CDH13: variants seen among roughly 807,000 people sequenced by gnomAD.
The protein encoded by CDH13 is cadherin 13, also known as cadherin-13.
In CDH13, 24 loss-of-function variants were observed where a neutral mutation model predicts 63.8. The ratio of observed to expected loss-of-function variants is 0.38; its 90% confidence interval spans 0.27 to 0.53. CDH13 has a LOEUF of 0.53. Ranked by LOEUF, CDH13 falls within the 20% of genes least tolerant of loss-of-function variation. The probability of loss-of-function intolerance (pLI) is 0.85; values close to 1 mark genes in which losing one functional copy is unlikely to be tolerated. For missense variants in CDH13, 1,049 were observed against 903.1 expected, an observed-to-expected ratio of 1.16 and a Z score of -2.07; for synonymous variants, 503 against 355.3, an observed-to-expected ratio of 1.42 and a Z score of -4.67.
At position 82,822,578 on chromosome 16, in the gene CDH13, C is replaced by T. The variant is rs1288876558; in HGVS notation, c.46-35784C>T. ...GTGGTGCGATCAAAGCTCACTGTAG[C>T]CTTCACCTTCTGCTCAAGAGATCCT... On this transcript the variant is annotated intron_variant, in intron 1 of 13. Transcript: ENST00000567109. Among the ~76,000 whole-genome samples, 7 of 152,300 alleles carry T rather than the reference C, an allele frequency of 4.6e-5. No homozygotes were observed. The East Asian group carries it at 1.4e-3, about 29-fold the overall frequency.
At chr16:82,723,325 C>T (rs2032894492) in intron 1 of CDH13, among the ~76,000 whole-genome samples, 1 of 152,128 alleles carries the variant, frequency 6.6e-6, no homozygotes, top group Admixed American at 6.6e-5. Flanking sequence ...CTTTTCAGTT[C>T]AGCACATATT....
intron 10 of CDH13, among the ~76,000 whole-genome samples, chr16:83,738,633 T>C (rs11149601): frequency 0.58 from 87,624 of 151,936 alleles, 25,513 homozygotes; most frequent in East Asian, 0.7. Context: ...TTGGGCCAGG[T>C]GTGGTGGCTC....
At chr16:82,892,139 T>C (rs911988731) in intron 2 of CDH13, among the ~76,000 whole-genome samples, 6 of 152,184 alleles carry the variant, frequency 3.9e-5, no homozygotes, top group African/African-American at 1.4e-4. Flanking sequence ...ACTTAACCTG[T>C]TGGTGTTCAG....
intron 2 of CDH13, chr16:82,953,387 C>T (rs986096134): frequency 6.6e-6 from 1 of 152,136 alleles, no homozygotes; most frequent in Non-Finnish European, 1.5e-5. Flanking sequence ...CATGGGGTTT[C>T]TAGCTCTTAG....
chr16:83,120,861 T>G (rs1056625923), intron 3 of CDH13, among the ~76,000 whole-genome samples: 2 of 148,888 alleles, frequency 1.3e-5, no homozygotes, highest in African/African-American at 2.5e-5. Flanking sequence ...TCTCCCAGGT[T>G]CAAGTGATTC....
intron 7 of CDH13, among the ~76,000 whole-genome samples, chr16:83,577,753 C>A (rs1905192003): frequency 6.6e-6 from 1 of 152,144 alleles, no homozygotes; most frequent in Admixed American, 6.5e-5. Flanking sequence ...TCCAAAAGCC[C>A]TTAACCATTA....
Position 83,720,117 on chromosome 16 carries a change from G to T in CDH13, c.1539-27991G>T, listed in dbSNP as rs1448348263. 2.0e-5 allele frequency among the ~76,000 whole-genome samples: 3 copies of T among 152,254 alleles called. No homozygotes were observed. The East Asian group carries it at 5.8e-4, about 29-fold the overall frequency. On this transcript the variant is annotated intron_variant, in intron 10 of 13. Coordinates refer to ENST00000567109, the MANE Select transcript of CDH13 (RefSeq NM_001257.5). Reference sequence around the variant, plus strand: ...CCAAATGGTTGCTGCTGCCGAATTTGGGACCGGGGTGCTGGTGGTCATCTG... The same window carrying T: ...CCAAATGGTTGCTGCTGCCGAATTTTGGACCGGGGTGCTGGTGGTCATCTG...
chr16:82,654,301 G>T (rs1911058766), intron 1 of CDH13, among the ~76,000 whole-genome samples: 1 of 152,110 alleles, frequency 6.6e-6, no homozygotes, highest in African/African-American at 2.4e-5. Context: ...TTCAAGGTCG[G>T]TTTCCCAACT....
chr16:83,723,787 G>C (rs1909999326), intron 10 of CDH13, among the ~76,000 whole-genome samples: 1 of 150,806 alleles, frequency 6.6e-6, no homozygotes, highest in East Asian at 1.9e-4. Context: ...GCAGAGTAAA[G>C]AAGAATGTCT....
intron 2 of CDH13, among the ~76,000 whole-genome samples, chr16:82,938,883 C>T (rs150099402): frequency 1.7e-3 from 260 of 152,106 alleles, no homozygotes; most frequent in Non-Finnish European, 2.4e-3. Context: ...TATTTCAGTG[C>T]TCTTGGTTGA....
Position 83,357,677 on chromosome 16 carries a change from A to G in CDH13, c.781+12671A>G, listed in dbSNP as rs568157004. Among the ~76,000 whole-genome samples the G allele has an allele frequency of 2.6e-5, 4 of 152,312 alleles. No individual in the cohort carries two copies. The South Asian group carries it at 8.3e-4, about 32-fold the overall frequency. The stretch of plus-strand genomic sequence containing the variant: ...AGGACTGGTAAACATACGTCAATGC[A>G]TAGAACGGCCTCCACAGCAAAGAAT... On this transcript the variant is annotated intron_variant, in intron 6 of 13. Transcript: ENST00000567109.
chr16:82,691,491 G>A (rs920685450), intron 1 of CDH13, among the ~76,000 whole-genome samples: 12 of 152,238 alleles, frequency 7.9e-5, no homozygotes, highest in Admixed American at 1.3e-4. Flanking sequence ...CATTAACTTC[G>A]GCAGTACCTT....
At chr16:83,543,743 C>T (rs897950933) in intron 7 of CDH13, among the ~76,000 whole-genome samples, 2 of 152,168 alleles carry the variant, frequency 1.3e-5, no homozygotes, top group African/African-American at 2.4e-5. Context: ...CTGCTCTCAT[C>T]TAATGGACAG....
chr16:82,738,517 T>C (rs2033789046), intron 1 of CDH13, among the ~76,000 whole-genome samples: 1 of 152,196 alleles, frequency 6.6e-6, no homozygotes, highest in African/African-American at 2.4e-5. Context: ...CACAAGCTAG[T>C]TTCCAAATTC....
chr16:82,667,135 C>T (rs893038026), intron 1 of CDH13, among the ~76,000 whole-genome samples: 24 of 152,152 alleles, frequency 1.6e-4, no homozygotes, highest in East Asian at 1.9e-4. Context: ...TTATTCACAT[C>T]GCCTCACCTC....
chr16:83,354,987 G>C (rs936531895), intron 6 of CDH13, among the ~76,000 whole-genome samples: 1 of 152,184 alleles, frequency 6.6e-6, no homozygotes, highest in Non-Finnish European at 1.5e-5. Flanking sequence ...TGTAATACCT[G>C]ATCCTCTGCA....
chr16:83,586,003 C>T (rs1045064842), intron 7 of CDH13, among the ~76,000 whole-genome samples: 17 of 152,184 alleles, frequency 1.1e-4, no homozygotes, highest in Non-Finnish European at 2.1e-4. Flanking sequence ...ATGAACACAG[C>T]AACCACAGCA....
At chr16:83,331,143 TA>T (rs1326804287) in intron 5 of CDH13, among the ~76,000 whole-genome samples, 1 of 152,156 alleles carries the variant, frequency 6.6e-6, no homozygotes. Context: ...ACTTGGGCCT[TA>T]AAGTACAGTC....
chr16:83,778,577 A>G (rs1915283541), intron 11 of CDH13, among the ~76,000 whole-genome samples: 1 of 152,152 alleles, frequency 6.6e-6, no homozygotes, highest in East Asian at 1.9e-4. Context: ...TATGAGGGCC[A>G]TTATCTTAAA....
Sources: gnomAD v4.1 joint callset for allele counts (sites outside exome capture counted in the v4.1 genomes callset) on GRCh38, gnomAD v4.1.1 for gene constraint, MANE v1.5 for transcripts, NCBI Gene and HGNC (gene_info 2026-07-23, HGNC 2026-07-21) for gene names.